The following CBLN2 variants were observed in gnomAD, a reference collection of about 807,000 sequenced individuals.
CBLN2 encodes the protein cerebellin-2.
In CBLN2, 7 loss-of-function variants were observed where a neutral mutation model predicts 15.0. The observed-to-expected ratio is 0.47, with a 90% CI of 0.27 to 0.88. CBLN2 has a LOEUF of 0.88. CBLN2 is among the 40% of genes least tolerant of loss of function. The pLI is 0.14. For missense variants in CBLN2, 242 were observed against 304.5 expected, an observed-to-expected ratio of 0.79 and a Z score of 1.53; for synonymous variants, 149 against 135.2, an observed-to-expected ratio of 1.10 and a Z score of -0.71.
chr18:72,619,738 T>C (rs2069687210), intron 1 of CBLN2, among the ~76,000 whole-genome samples: 1 of 152,290 alleles, frequency 6.6e-6, no homozygotes, highest in South Asian at 2.1e-4. Context: ...AACTCCTAGT[T>C]TTACTTTTAA....
At chr18:72,633,713 C>T (rs774994299) in intron 1 of CBLN2, among the ~76,000 whole-genome samples, 1 of 152,116 alleles carries the variant, frequency 6.6e-6, no homozygotes, top group Non-Finnish European at 1.5e-5. Context: ...CAGAACACTT[C>T]CAAATAATCT....
intron 1 of CBLN2, among the ~76,000 whole-genome samples, chr18:72,636,090 C>G (rs1426528445): frequency 6.6e-6 from 1 of 152,042 alleles, no homozygotes; most frequent in Non-Finnish European, 1.5e-5. Context: ...TGATCTATGT[C>G]AAAAATACCC....
intron 1 of CBLN2, among the ~76,000 whole-genome samples, chr18:72,593,654 T>C (rs1365278196): frequency 6.6e-6 from 1 of 152,182 alleles, no homozygotes; most frequent in Non-Finnish European, 1.5e-5. Context: ...CTGTCATATA[T>C]GGGTTTTATC....
chr18:72,541,035 A>G (rs1471550802), intron 3 of CBLN2, among the ~76,000 whole-genome samples: 1 of 152,190 alleles, frequency 6.6e-6, no homozygotes, highest in Non-Finnish European at 1.5e-5. Flanking sequence ...AGCACCAATA[A>G]CCCAGAGAAA....
chr18:72,538,812 C>CCT, intron 3 of CBLN2, 40 bp from the exon 4 acceptor site: 1 of 1,605,358 alleles, frequency 6.2e-7, no homozygotes, highest in South Asian at 1.1e-5. Context: ...ATGGCAAGCC[C>CCT]CTCCTCGGTG....
In CBLN2 at chr18:72,537,208, C is replaced by T. The variant is rs1411229095; in HGVS notation, c.*968G>A. On this transcript the variant is annotated 3_prime_UTR_variant, in exon 5 of 5. Transcript: ENST00000269503. ...TACCAACTTATATGATTCAGGACCACTCAGGAACACCAGGTTCTTAAAGGA... is the reference window on the plus strand; with the variant it reads ...TACCAACTTATATGATTCAGGACCATTCAGGAACACCAGGTTCTTAAAGGA... The T allele has an allele frequency of 2.0e-5, 3 of 151,942 alleles. No homozygotes were observed. The highest frequency in any genetic ancestry group is 6.6e-5 in the Admixed American group (1 of 15,264). 9.4% of individuals were successfully genotyped at this position (151,942 alleles called of 1,614,324 possible).
intron 1 of CBLN2, among the ~76,000 whole-genome samples, chr18:72,635,839 T>C (rs1244144458): frequency 1.3e-5 from 2 of 152,086 alleles, no homozygotes; most frequent in African/African-American, 4.8e-5. Context: ...AAATAAAGTG[T>C]CAGGGATCAT....
chr18:72,638,345 T>C (rs1363555696), exon 1 of CBLN2: 2 of 398,434 alleles, frequency 5.0e-6, no homozygotes, highest in East Asian at 3.6e-5. Context: ...TCCATTCCAG[T>C]ACTCACAGAA....
intron 3 of CBLN2, among the ~76,000 whole-genome samples, chr18:72,540,735 T>C (rs1197286794): frequency 6.6e-6 from 1 of 152,138 alleles, no homozygotes; most frequent in Non-Finnish European, 1.5e-5. Flanking sequence ...ATAAATACGC[T>C]GACTTAAATA....
intron 1 of CBLN2, among the ~76,000 whole-genome samples, chr18:72,584,943 C>T (rs2144922902): frequency 6.6e-6 from 1 of 152,282 alleles, no homozygotes; most frequent in Non-Finnish European, 1.5e-5. Context: ...AGGCACAGAG[C>T]AGTGAAGGGT....
chr18:72,582,704 C>T (rs1230442646), intron 1 of CBLN2, among the ~76,000 whole-genome samples: 1 of 152,020 alleles, frequency 6.6e-6, no homozygotes. Flanking sequence ...AGCAGGGGCC[C>T]ACATACCCAA....
chr18:72,555,739 T>A (rs982664541), intron 1 of CBLN2, among the ~76,000 whole-genome samples: 2 of 152,186 alleles, frequency 1.3e-5, no homozygotes, highest in Non-Finnish European at 2.9e-5. Flanking sequence ...ATTCATGACC[T>A]TGTAGCAAAG....
intron 1 of CBLN2, among the ~76,000 whole-genome samples, chr18:72,578,164 A>G (rs2069380308): frequency 6.6e-6 from 1 of 152,232 alleles, no homozygotes; most frequent in South Asian, 2.1e-4. Flanking sequence ...TACTATAAAC[A>G]TTCAATAAAT....
chr18:72,594,189 G>A (rs2069498426), intron 1 of CBLN2, among the ~76,000 whole-genome samples: 1 of 152,046 alleles, frequency 6.6e-6, no homozygotes, highest in South Asian at 2.1e-4. Context: ...GTAGATGATG[G>A]GTTGAGAGGT....
intron 1 of CBLN2, among the ~76,000 whole-genome samples, chr18:72,606,722 C>T (rs547756804): frequency 6.6e-6 from 1 of 152,198 alleles, no homozygotes; most frequent in Non-Finnish European, 1.5e-5. Flanking sequence ...GATACCAGCT[C>T]GGCCAGGAGT....
chr18:72,635,952 A>C (rs1288447983), intron 1 of CBLN2, among the ~76,000 whole-genome samples: 3 of 152,200 alleles, frequency 2.0e-5, no homozygotes, highest in African/African-American at 7.2e-5. Context: ...AATTCTTTTA[A>C]GGTATAAATA....
chr18:72,624,705 T>C (rs552109857), intron 1 of CBLN2, among the ~76,000 whole-genome samples: 1 of 152,322 alleles, frequency 6.6e-6, no homozygotes, highest in South Asian at 2.1e-4. Context: ...CATCACATAA[T>C]AATTAAAAAT....
At chr18:72,605,187 T>A (rs1019789571) in intron 1 of CBLN2, among the ~76,000 whole-genome samples, 1 of 152,204 alleles carries the variant, frequency 6.6e-6, no homozygotes, top group Non-Finnish European at 1.5e-5. Flanking sequence ...ATGGCCAACT[T>A]CCTCATATGC....
In CBLN2 at chr18:72,568,031, C is replaced by T. The variant is rs992355945; in HGVS notation, c.16-29259G>A. Among the ~76,000 whole-genome samples, 9 of 152,154 alleles carry T rather than the reference C, an allele frequency of 5.9e-5. No homozygotes were observed. In the South Asian group the frequency reaches 1.7e-3, roughly 28 times the overall value. ...ACATACTCATTTTCACCTCTTTTCT[C>T]ACTCAGAAGCTTTGATTTCATTTCT... is the stretch of plus-strand genomic sequence containing the variant. On this transcript the variant is annotated intron_variant, in intron 1 of 2. Transcript: ENST00000581073.
Sources: allele counts gnomAD v4.1 joint callset (sites outside exome capture counted in the v4.1 genomes callset), GRCh38; gene constraint gnomAD v4.1.1; transcripts MANE v1.5; gene names NCBI Gene and HGNC (gene_info 2026-07-23, HGNC 2026-07-21).